Variants in PTPN3 observed in about 807,000 individuals in gnomAD.
PTPN3 encodes the protein protein tyrosine phosphatase non-receptor type 3.
A neutral mutation model predicts 132.7 loss-of-function variants in PTPN3; 96 were observed. The observed-to-expected ratio is 0.72, with a 90% CI of 0.61 to 0.86. PTPN3 has a LOEUF of 0.86. PTPN3 is among the 40% of genes least tolerant of loss of function. The pLI, the probability that PTPN3 is intolerant of heterozygous loss-of-function variation, is 0.00. For synonymous variants in PTPN3, 398 were observed against 429.0 expected (o/e 0.93, Z 0.89); for missense variants, 1,125 against 1,159.6 (o/e 0.97, Z 0.43).
At chr9:109,483,159 C>T (rs755825963) in intron 1 of PTPN3, among the ~76,000 whole-genome samples, 4 of 152,242 alleles carry the variant, frequency 2.6e-5, no homozygotes, top group Non-Finnish European at 4.4e-5. Context: ...TGGAGCCCTC[C>T]ACACCTTCAG....
intron 2 of PTPN3, among the ~76,000 whole-genome samples, chr9:109,459,179 A>G (rs1207251881): frequency 6.6e-6 from 1 of 152,270 alleles, no homozygotes; most frequent in African/African-American, 2.4e-5. Flanking sequence ...CACATTTATA[A>G]TAAGAAAAGG....
chr9:109,506,652 G>A, the PTPN3 span, among the ~76,000 whole-genome samples: 1 of 149,140 alleles, frequency 6.7e-6, no homozygotes, highest in Admixed American at 6.7e-5. Context: ...ACCCAGGCAG[G>A]AGTGCAGAGG....
chr9:109,531,318 T>C, the PTPN3 span, among the ~76,000 whole-genome samples: 1 of 152,188 alleles, frequency 6.6e-6, no homozygotes, highest in Non-Finnish European at 1.5e-5. Flanking sequence ...AATTTTGCTG[T>C]CAGCTCAGAG....
At chr9:109,534,275 CG>C in the PTPN3 span, 4 of 1,539,482 alleles carry the variant, frequency 2.6e-6, no homozygotes, top group Non-Finnish European at 2.6e-6. Context: ...GCGCTGAGGG[CG>C]GGGGGCGGCG....
chr9:109,530,146 T>A, the PTPN3 span, among the ~76,000 whole-genome samples: 1 of 152,196 alleles, frequency 6.6e-6, no homozygotes, highest in Non-Finnish European at 1.5e-5. Flanking sequence ...GTTCATTCAT[T>A]TTGTGGTGCC....
intron 1 of PTPN3, among the ~76,000 whole-genome samples, chr9:109,463,954 T>C (rs1249852873): frequency 1.3e-5 from 2 of 152,204 alleles, no homozygotes; most frequent in African/African-American, 4.8e-5. Context: ...GCCAAGAATA[T>C]ATGGAGTGCT....
intron 7 of PTPN3, among the ~76,000 whole-genome samples, chr9:109,441,504 T>C (rs1320368346): frequency 1.3e-5 from 2 of 152,218 alleles, no homozygotes; most frequent in Non-Finnish European, 2.9e-5. Flanking sequence ...CCATCTCCAC[T>C]GCTAGTATCA....
chr9:109,408,460 A>G (rs1841756304), intron 16 of PTPN3, 83 bp from the exon 17 acceptor site: 3 of 1,004,406 alleles, frequency 3.0e-6, no homozygotes, highest in Non-Finnish European at 4.5e-6. Context: ...AGCTCACAGC[A>G]TCAACAACAT....
the PTPN3 span, among the ~76,000 whole-genome samples, chr9:109,536,559 A>G: frequency 6.6e-6 from 1 of 152,250 alleles, no homozygotes; most frequent in African/African-American, 2.4e-5. Context: ...CCATCTGTGA[A>G]TCTCCAGTAC....
At chr9:109,452,846 G>A (rs574398381) in intron 5 of PTPN3, among the ~76,000 whole-genome samples, 1 of 152,280 alleles carries the variant, frequency 6.6e-6, no homozygotes, top group African/African-American at 2.4e-5. Flanking sequence ...TCACAAGTAT[G>A]AGCCACCATG....
chr9:109,461,374 CA>C (rs1425309987), intron 2 of PTPN3, among the ~76,000 whole-genome samples: 2 of 152,172 alleles, frequency 1.3e-5, no homozygotes, highest in Non-Finnish European at 2.9e-5. Context: ...GCTTCTGACA[CA>C]CTTTAAGAAA....
At chr9:109,408,292 G>C in intron 17 of PTPN3, 29 bp downstream of exon 17, 1 of 1,493,178 alleles carries the variant, frequency 6.7e-7, no homozygotes, top group Non-Finnish European at 9.0e-7. Context: ...AAACAAACAC[G>C]AGGAATAACA....
chr9:109,427,078 G>T lies in PTPN3; in HGVS notation c.873C>A (p.Tyr291Ter). 6.2e-7 allele frequency: 1 copy of T among 1,614,150 alleles called. No homozygotes were observed. The highest frequency in any genetic ancestry group is 8.5e-7 in the Non-Finnish European group (1 of 1,179,996). The change falls in exon 12 of 26, where the codon TAC becomes TAA. Residue 291 changes from tyrosine to a stop codon, truncating the protein, a stop_gained. Coordinates refer to ENST00000374541, the MANE Select transcript of PTPN3 (RefSeq NM_002829.4). LOFTEE classifies it high-confidence loss of function. The part of the protein sequence containing the change: ...EHIVAFNMLN[Y>*]RSCKNLWKSC... ...ATTTCCACAAGTTTTTGCAAGATCGGTAATTCAGCATGTTGAAGGCCACAA... is the reference window on the plus strand; with the variant it reads ...ATTTCCACAAGTTTTTGCAAGATCGTTAATTCAGCATGTTGAAGGCCACAA...
At chr9:109,508,713 A>G in the PTPN3 span, among the ~76,000 whole-genome samples, 19,427 of 139,094 alleles carry the variant, frequency 0.14, 1,476 homozygotes, top group Middle Eastern at 0.27. Context: ...TTAATAATCA[A>G]TCAGTAGATA....
the PTPN3 span, among the ~76,000 whole-genome samples, chr9:109,510,938 T>C: frequency 6.6e-6 from 1 of 152,140 alleles, no homozygotes; most frequent in Non-Finnish European, 1.5e-5. Context: ...TTTGTATTTT[T>C]AAAACTTCTA....
intron 14 of PTPN3, among the ~76,000 whole-genome samples, chr9:109,418,153 C>T (rs951002618): frequency 1.1e-4 from 17 of 152,208 alleles, no homozygotes; most frequent in Non-Finnish European, 2.2e-4. Flanking sequence ...TTTCCTTTCA[C>T]CAAAGTGACA....
the PTPN3 span, among the ~76,000 whole-genome samples, chr9:109,520,247 T>C: frequency 6.6e-6 from 1 of 151,920 alleles, no homozygotes; most frequent in Non-Finnish European, 1.5e-5. Flanking sequence ...CTCTGCGCCA[T>C]TGCATTTTCC....
chr9:109,463,875 G>A (rs1292879338), intron 1 of PTPN3, among the ~76,000 whole-genome samples: 1 of 152,202 alleles, frequency 6.6e-6, no homozygotes, highest in Non-Finnish European at 1.5e-5. Flanking sequence ...TATTCATTGA[G>A]AGACACCATT....
intron 7 of PTPN3, among the ~76,000 whole-genome samples, chr9:109,441,754 T>G (rs1230440845): frequency 6.6e-6 from 1 of 152,178 alleles, no homozygotes; most frequent in Non-Finnish European, 1.5e-5. Flanking sequence ...TCACTTTTTT[T>G]TTTTTAAGAG....
Sources: allele counts gnomAD v4.1 joint callset (sites outside exome capture counted in the v4.1 genomes callset), GRCh38; gene constraint gnomAD v4.1.1; transcripts MANE v1.5; gene names NCBI Gene and HGNC (gene_info 2026-07-23, HGNC 2026-07-21).